The following PPFIA2 variants were observed in gnomAD, a reference collection of about 807,000 sequenced individuals.
PPFIA2 encodes liprin-alpha-2.
PPFIA2 carries 46 observed loss-of-function variants against 175.5 expected under a neutral mutation model. The ratio of observed to expected loss-of-function variants is 0.26; its 90% confidence interval spans 0.21 to 0.34. The LOEUF (loss-of-function observed/expected upper bound fraction) is 0.34. PPFIA2 is among the 10% of genes least tolerant of loss of function. The pLI is 1.00. For synonymous variants in PPFIA2, 568 were observed against 511.4 expected, an observed-to-expected ratio of 1.11 and a Z score of -1.49; for missense variants, 1,179 against 1,506.1, an observed-to-expected ratio of 0.78 and a Z score of 3.60.
At chr12:81,614,007 C>A (rs1295546249) in intron 4 of PPFIA2, among the ~76,000 whole-genome samples, 2 of 152,046 alleles carry the variant, frequency 1.3e-5, no homozygotes, top group African/African-American at 2.4e-5. Flanking sequence ...AATGAACAAG[C>A]AAAACCATGA....
At chr12:81,537,665 G>C (rs1186767238) in intron 4 of PPFIA2, among the ~76,000 whole-genome samples, 3 of 151,794 alleles carry the variant, frequency 2.0e-5, no homozygotes, top group Non-Finnish European at 2.9e-5. Flanking sequence ...GCCTCAATTA[G>C]AGTGCATATC....
chr12:81,633,939 T>C (rs1595831053), intron 4 of PPFIA2, among the ~76,000 whole-genome samples: 1 of 152,102 alleles, frequency 6.6e-6, no homozygotes, highest in African/African-American at 2.4e-5. Flanking sequence ...CTTAAAACTC[T>C]GTCAGACAAT....
intron 4 of PPFIA2, among the ~76,000 whole-genome samples, chr12:81,636,625 T>C (rs1233564320): frequency 1.3e-5 from 2 of 151,878 alleles, no homozygotes. Context: ...AAGATTATTT[T>C]CCAAATCCTT....
At chr12:81,593,075 A>G (rs975758713) in intron 4 of PPFIA2, among the ~76,000 whole-genome samples, 3 of 152,094 alleles carry the variant, frequency 2.0e-5, no homozygotes, top group African/African-American at 7.2e-5. Flanking sequence ...TTTTTGAATA[A>G]AATTTCTTCA....
At chr12:81,365,673 C>T (rs901349343) in intron 14 of PPFIA2, among the ~76,000 whole-genome samples, 26 of 151,844 alleles carry the variant, frequency 1.7e-4, no homozygotes, top group Admixed American at 9.2e-4. Flanking sequence ...TCATCCTCTA[C>T]TTAGAATGCT....
chr12:81,628,144 A>T (rs1010412362), intron 4 of PPFIA2, among the ~76,000 whole-genome samples: 2 of 152,168 alleles, frequency 1.3e-5, no homozygotes, highest in Admixed American at 1.3e-4. Context: ...AGGAGAAAGG[A>T]TATTTTAAGA....
chr12:81,619,010 C>T (rs933908429), intron 4 of PPFIA2, among the ~76,000 whole-genome samples: 16 of 152,150 alleles, frequency 1.1e-4, no homozygotes, highest in African/African-American at 3.4e-4. Context: ...TATTAAAATG[C>T]TCTATCTACA....
intron 4 of PPFIA2, among the ~76,000 whole-genome samples, chr12:81,639,267 G>A (rs1202105030): frequency 2.0e-5 from 3 of 151,762 alleles, no homozygotes; most frequent in East Asian, 3.9e-4. Flanking sequence ...ATTTCCCCCT[G>A]CTTTTTTTTC....
chr12:81,344,088 T>G (rs2222842), intron 19 of PPFIA2, among the ~76,000 whole-genome samples: 112,541 of 151,818 alleles, frequency 0.74, 43,901 homozygotes, highest in Non-Finnish European at 0.88. Context: ...AATCAGGCTA[T>G]CCATCCTAAC....
chr12:81,316,503 T>G (rs1332313988), intron 22 of PPFIA2, among the ~76,000 whole-genome samples: 8 of 151,636 alleles, frequency 5.3e-5, no homozygotes, highest in Non-Finnish European at 8.9e-5. Flanking sequence ...ACATTTAAAT[T>G]CCTTACATGG....
intron 4 of PPFIA2, among the ~76,000 whole-genome samples, chr12:81,610,582 G>A (rs1283711777): frequency 6.6e-6 from 1 of 152,102 alleles, no homozygotes; most frequent in Non-Finnish European, 1.5e-5. Flanking sequence ...TAGAAGTTCA[G>A]TTTGGTTCTT....
intron 4 of PPFIA2, among the ~76,000 whole-genome samples, chr12:81,512,026 T>C (rs1021846457): frequency 6.6e-6 from 1 of 152,082 alleles, no homozygotes; most frequent in Admixed American, 6.6e-5. Context: ...TATAAACACA[T>C]AGCACTAAAT....
At position 81,513,868 on chromosome 12, in the gene PPFIA2, A is replaced by G. The variant is rs11114897; in HGVS notation, c.304-56002T>C. 8.6e-4 allele frequency among the ~76,000 whole-genome samples: 131 copies of G among 152,118 alleles called. 1 individual carries two copies. The highest frequency in any genetic ancestry group is 3.0e-3 in the African/African-American group (124 of 41,540). Reference sequence around the variant, plus strand: ...TGAAGTGAATCCAGATTTGTCATCTATGACATTTAAATGGCAATAAATTAG... The same window carrying G: ...TGAAGTGAATCCAGATTTGTCATCTGTGACATTTAAATGGCAATAAATTAG... On this transcript the variant is annotated intron_variant, in intron 4 of 32. Coordinates refer to ENST00000549396, the MANE Select transcript of PPFIA2 (RefSeq NM_003625.5).
At chr12:81,610,745 G>T (rs140160932) in intron 4 of PPFIA2, among the ~76,000 whole-genome samples, 1,959 of 152,274 alleles carry the variant, frequency 0.013, 36 homozygotes, top group African/African-American at 0.045. Flanking sequence ...TTTCAGACTG[G>T]CTAAGAACCA....
chr12:81,531,137 C>T (rs1030354178), intron 4 of PPFIA2, among the ~76,000 whole-genome samples: 14 of 151,922 alleles, frequency 9.2e-5, no homozygotes, highest in Non-Finnish European at 2.1e-4. Context: ...ACTTGAATTA[C>T]TTTGCAACCA....
At chr12:81,462,585 C>CACATAT (rs1555402550) in intron 4 of PPFIA2, among the ~76,000 whole-genome samples, 1 of 124,680 alleles carries the variant, frequency 8.0e-6, no homozygotes, top group African/African-American at 2.9e-5. Context: ...TATATATATA[C>CACATAT]ATATATATAT....
At chr12:81,425,623 C>G (rs1343771449) in intron 7 of PPFIA2, among the ~76,000 whole-genome samples, 1 of 152,202 alleles carries the variant, frequency 6.6e-6, no homozygotes, top group Non-Finnish European at 1.5e-5. Context: ...GGTCACCCAA[C>G]TTGGGCTCCC....
At chr12:81,375,596 A>G in intron 10 of PPFIA2, 200 bp downstream of exon 10, 1 of 598,226 alleles carries the variant, frequency 1.7e-6, no homozygotes, top group Non-Finnish European at 2.9e-6. Flanking sequence ...CATTATTTGT[A>G]TTACTATTAA....
At chr12:81,441,845 T>G (rs1408372045) in intron 6 of PPFIA2, among the ~76,000 whole-genome samples, 2 of 152,214 alleles carry the variant, frequency 1.3e-5, no homozygotes, top group African/African-American at 4.8e-5. Context: ...TGAAGCAATC[T>G]AAATATGTTA....
Sources: gnomAD v4.1 joint callset for allele counts (sites outside exome capture counted in the v4.1 genomes callset) on GRCh38, gnomAD v4.1.1 for gene constraint, MANE v1.5 for transcripts, NCBI Gene and HGNC (gene_info 2026-07-23, HGNC 2026-07-21) for gene names.